The following CFAP36 variants were observed in gnomAD, a reference collection of about 807,000 sequenced individuals.
CFAP36 encodes cilia- and flagella-associated protein 36.
Under a neutral mutation model 50.5 loss-of-function variants are expected in CFAP36, and 37 were observed. The observed-to-expected ratio is 0.73, with a 90% confidence interval of 0.56 to 0.96. The LOEUF (loss-of-function observed/expected upper bound fraction) is 0.96, where lower values mean the gene tolerates loss of function less well. CFAP36 is among the 50% of genes least tolerant of loss of function. CFAP36 has a pLI of 0.00. For synonymous variants in CFAP36, 138 were observed against 128.2 expected (o/e 1.08, Z -0.52); for missense variants, 407 against 396.2 (o/e 1.03, Z -0.23).
In CFAP36 at chr2:55,535,779, A is replaced by G. The variant is rs377272698; in HGVS notation, c.537+16A>G. ...GAAAAAACAGGTGCCTACAGAACAT[A>G]TAACAGAAGTATTTTATTGCTGTTA... On this transcript the variant is annotated intron_variant, in intron 6 of 9. Transcript: ENST00000349456. The G allele has an allele frequency of 1.0e-5, 16 of 1,552,336 alleles. No individual in the cohort carries two copies. Among genetic ancestry groups the G allele is most frequent in the Middle Eastern group, 1.7e-4 (1 of 5,944 alleles).
intron 7 of CFAP36, among the ~76,000 whole-genome samples, chr2:55,543,708 G>A (rs1275791460): frequency 6.6e-6 from 1 of 152,118 alleles, no homozygotes; most frequent in Admixed American, 6.6e-5. Context: ...CATGGTACTT[G>A]TTGAGAAGTA....
At chr2:55,535,958 A>T in intron 6 of CFAP36, 195 bp downstream of exon 6, 2 of 1,141,906 alleles carry the variant, frequency 1.8e-6, no homozygotes, top group Non-Finnish European at 2.3e-6. Flanking sequence ...CATATTATAT[A>T]GTACTATATA....
At chr2:55,532,271 T>A (rs2103650666) in intron 4 of CFAP36, among the ~76,000 whole-genome samples, 1 of 151,768 alleles carries the variant, frequency 6.6e-6, no homozygotes, top group African/African-American at 2.4e-5. Flanking sequence ...GGTGAATACC[T>A]TAGATTAATG....
chr2:55,525,350 A>G (rs1306753357), intron 3 of CFAP36, among the ~76,000 whole-genome samples: 5 of 152,048 alleles, frequency 3.3e-5, no homozygotes, highest in African/African-American at 1.2e-4. Context: ...GTACCTACTC[A>G]GGATGCTGAA....
chr2:55,522,015 G>C, intron 1 of CFAP36, 87 bp from the exon 2 acceptor site: 1 of 670,828 alleles, frequency 1.5e-6, no homozygotes, highest in Non-Finnish European at 2.6e-6. Context: ...TAGGTTGACA[G>C]TTCTATTTGG....
chr2:55,527,263 A>G (rs1684232819), intron 3 of CFAP36, among the ~76,000 whole-genome samples: 1 of 152,144 alleles, frequency 6.6e-6, no homozygotes, highest in Non-Finnish European at 1.5e-5. Context: ...GTAGTTAGAA[A>G]ATCAGTAAAG....
At position 55,519,757 on chromosome 2, in the gene CFAP36, G is replaced by C. The variant is rs974295889; in HGVS notation, c.-45G>C. On this transcript the variant is annotated 5_prime_UTR_variant, in exon 1 of 10. Coordinates refer to ENST00000349456, the MANE Select transcript of CFAP36 (RefSeq NM_080667.7). ...TGGCCCAAAGGCCTAACCGGGGTCC[G>C]GCGGTCTGGCCTAGGGATCTTCCCC... The C allele has an allele frequency of 1.3e-6, 2 of 1,599,472 alleles. No homozygotes were observed. Among genetic ancestry groups the C allele is most frequent in the Non-Finnish European group, 1.7e-6 (2 of 1,167,258 alleles).
At chr2:55,535,625 C>A in intron 5 of CFAP36, 87 bp from the exon 6 acceptor site, 2 of 989,122 alleles carry the variant, frequency 2.0e-6, no homozygotes, top group Non-Finnish European at 2.9e-6. Context: ...TTATTGTAAG[C>A]TTAGGTTAGC....
rs781369745 is a variant in CFAP36, at chr2:55,544,052, C to T, written c.755C>T (p.Ala252Val). ...KDLKIPGLEH[A>V]SIEGPIANLS... ...CTGAAGATTCCTGGCTTAGAGCATG[C>T]GAGCATTGAAGGACCAATAGCAGTA... The change falls in exon 8 of 10, where the codon GCG becomes GTG. Residue 252 changes from alanine (A) to valine (V), a missense_variant. By Grantham distance (64) the Ala-to-Val change is moderately conservative. Coordinates refer to ENST00000349456, the MANE Select transcript of CFAP36 (RefSeq NM_080667.7). The T allele has an allele frequency of 5.6e-6, 9 of 1,613,832 alleles. No individual in the cohort carries two copies. Among genetic ancestry groups the T allele is most frequent in the African/African-American group, 1.3e-5 (1 of 74,996 alleles).
chr2:55,530,661 T>G (rs976872858), intron 4 of CFAP36, among the ~76,000 whole-genome samples: 1 of 152,230 alleles, frequency 6.6e-6, no homozygotes, highest in African/African-American at 2.4e-5. Context: ...CAGCCGAGTT[T>G]CTAACCATGC....
chr2:55,520,258 G>C, intron 1 of CFAP36: 1 of 697,086 alleles, frequency 1.4e-6, no homozygotes. Flanking sequence ...GCCCTCGGCA[G>C]GTGGACTGTT....
At position 55,538,952 on chromosome 2, in the gene CFAP36, T is replaced by C. The variant is rs532864402; in HGVS notation, c.640+1367T>C. ...ATGTAAGTTGGAGAACACCTTTCTT[T>C]AATATGCCTAATTTAAGCTGTTTTA... On this transcript the variant is annotated intron_variant, in intron 7 of 9. Coordinates refer to ENST00000349456, the MANE Select transcript of CFAP36 (RefSeq NM_080667.7). 2.0e-5 allele frequency: 28 copies of C among 1,405,058 alleles called. No individual in the cohort carries two copies. In the African/African-American group the frequency reaches 3.8e-4, roughly 19 times the overall value. 87.0% of individuals were successfully genotyped at this position (1,405,058 alleles called of 1,614,324 possible).
chr2:55,520,045 G>A, intron 1 of CFAP36, 129 bp downstream of exon 1: 1 of 793,820 alleles, frequency 1.3e-6, no homozygotes, highest in African/African-American at 1.7e-5. Flanking sequence ...GCAAGGTCTC[G>A]TTCCCCTCAC....
intron 3 of CFAP36, among the ~76,000 whole-genome samples, chr2:55,524,204 T>C (rs1280284309): frequency 6.6e-6 from 1 of 152,220 alleles, no homozygotes; most frequent in Non-Finnish European, 1.5e-5. Context: ...ATTATCTTAC[T>C]GGTTGTGTAG....
At chr2:55,541,010 C>G (rs1196605261) in intron 7 of CFAP36, among the ~76,000 whole-genome samples, 1 of 150,552 alleles carries the variant, frequency 6.6e-6, no homozygotes, top group Non-Finnish European at 1.5e-5. Context: ...GAGACCCTGT[C>G]TCAAAAAAAT....
chr2:55,541,225 G>A (rs1322735998), intron 7 of CFAP36, among the ~76,000 whole-genome samples: 1 of 152,158 alleles, frequency 6.6e-6, no homozygotes, highest in East Asian at 1.9e-4. Context: ...TCGGGAGGCT[G>A]AGGCAGGAGA....
intron 9 of CFAP36, 110 bp from the exon 10 acceptor site, chr2:55,544,797 C>T (rs555895502): frequency 5.3e-5 from 35 of 656,140 alleles, no homozygotes; most frequent in African/African-American, 5.3e-4. Flanking sequence ...TCTCTCCCTC[C>T]GTCCCACAAG....
intron 3 of CFAP36, among the ~76,000 whole-genome samples, chr2:55,525,468 C>A (rs1684182687): frequency 6.6e-6 from 1 of 152,058 alleles, no homozygotes; most frequent in South Asian, 2.1e-4. Flanking sequence ...AAAAACAAAA[C>A]ATTGGCTTTG....
At position 55,537,546 on chromosome 2, in the gene CFAP36, T is replaced by C. The variant is rs560200751; in HGVS notation, c.601T>C (p.Ser201Pro). The C allele has an allele frequency of 6.2e-7, 1 of 1,613,682 alleles. No individual in the cohort carries two copies. Among genetic ancestry groups the C allele is most frequent in the Middle Eastern group, 1.7e-4 (1 of 6,058 alleles). ...CAGTGAAGCTGCAATAATGAATAAT[T>C]CCCAAGGGGATGGTGAACATTTTGC... ...HSSEAAIMNN[S>P]QGDGEHFAHP... Residue 201 changes from serine (S) to proline (P), a missense_variant, in exon 7 of 10, where the codon TCC (serine) becomes CCC (proline). By Grantham distance (74) the Ser-to-Pro change is moderately conservative. Coordinates refer to ENST00000349456, the MANE Select transcript of CFAP36 (RefSeq NM_080667.7).
Sources: allele counts gnomAD v4.1 joint callset (sites outside exome capture counted in the v4.1 genomes callset), GRCh38; gene constraint gnomAD v4.1.1; transcripts MANE v1.5; gene names NCBI Gene and HGNC (gene_info 2026-07-23, HGNC 2026-07-21).